The following LRCH1 variants were observed in gnomAD, a reference collection of about 807,000 sequenced individuals.
The protein encoded by LRCH1 is leucine-rich repeat and calponin homology domain-containing protein 1.
LRCH1 carries 23 observed loss-of-function variants against 94.9 expected under a neutral mutation model. The ratio of observed to expected loss-of-function variants is 0.24; its 90% CI spans 0.17 to 0.34. LRCH1 has a LOEUF of 0.34. Among genes scored for constraint, LRCH1 ranks in the 10% least tolerant of loss-of-function variants. LRCH1 has a pLI of 1.00. For missense variants in LRCH1, 790 were observed against 945.9 expected (o/e 0.84, Z 2.16); for synonymous variants, 364 against 354.9 (o/e 1.03, Z -0.29).
At chr13:46,724,921 A>G (rs1282925370) in intron 17 of LRCH1, among the ~76,000 whole-genome samples, 7 of 152,248 alleles carry the variant, frequency 4.6e-5, no homozygotes. Flanking sequence ...CTATCACAGC[A>G]CTATTCACAG....
intron 1 of LRCH1, among the ~76,000 whole-genome samples, chr13:46,643,790 A>G (rs1180753463): frequency 6.6e-6 from 1 of 152,208 alleles, no homozygotes; most frequent in Non-Finnish European, 1.5e-5. Flanking sequence ...AAACCTATTA[A>G]TCAAAATAGA....
At chr13:46,561,478 C>T (rs553554836) in intron 1 of LRCH1, among the ~76,000 whole-genome samples, 1 of 152,324 alleles carries the variant, frequency 6.6e-6, no homozygotes, top group African/African-American at 2.4e-5. Context: ...CTTCTGGCTT[C>T]TCATGTGGAC....
intron 1 of LRCH1, among the ~76,000 whole-genome samples, chr13:46,614,494 C>T (rs75796749): frequency 0.015 from 2,230 of 152,184 alleles, 37 homozygotes; most frequent in African/African-American, 0.041. Context: ...CATAAAAGAT[C>T]AAAAAACCCA....
rs71077916 is a variant in LRCH1, at chr13:46,686,952, A to ATTTTTTT, written c.823-882_823-876dup. On this transcript the variant is annotated intron_variant, in intron 5 of 19. Transcript: ENST00000389797. Reference sequence around the variant, plus strand: ...TGAATTTGTTTCATGGAGTATATTGATTTTTTTTTTTTTTTTTTTTTTTTG... The same window carrying ATTTTTTT: ...TGAATTTGTTTCATGGAGTATATTGATTTTTTTTTTTTTTTTTTTTTTTTTTTTTTTG... Among the ~76,000 whole-genome samples the ATTTTTTT allele has an allele frequency of 2.7e-3, 231 of 85,426 alleles. 1 individual carries two copies. Among genetic ancestry groups the ATTTTTTT allele is most frequent in the Admixed American group, 3.2e-3 (19 of 5,954 alleles). 56.0% of individuals were successfully genotyped at this position (85,426 alleles called of 152,430 possible).
intron 7 of LRCH1, among the ~76,000 whole-genome samples, chr13:46,691,995 T>G (rs1369317847): frequency 6.6e-6 from 1 of 152,150 alleles, no homozygotes; most frequent in Non-Finnish European, 1.5e-5. Context: ...GCTGATGCCA[T>G]GTACTTTCAA....
At chr13:46,616,447 C>T (rs1239945033) in intron 1 of LRCH1, among the ~76,000 whole-genome samples, 1 of 152,196 alleles carries the variant, frequency 6.6e-6, no homozygotes, top group Non-Finnish European at 1.5e-5. Context: ...ATAAGCCTGA[C>T]AGCACGGTGA....
intron 1 of LRCH1, among the ~76,000 whole-genome samples, chr13:46,641,589 A>G (rs982360871): frequency 1.3e-5 from 2 of 152,118 alleles, no homozygotes; most frequent in African/African-American, 2.4e-5. Flanking sequence ...GACTTTCAAG[A>G]TGAGATCTTC....
chr13:46,750,797 GAGGATTTTCTAC>G, exon 19 of LRCH1: 1 of 580,794 alleles, frequency 1.7e-6, no homozygotes, highest in South Asian at 2.4e-5. Flanking sequence ...CAGTCTAAGG[GAGGATTTTCTAC>G]CTTTCAGAGC....
chr13:46,634,460 G>A (rs948669151), intron 1 of LRCH1, among the ~76,000 whole-genome samples: 3 of 152,176 alleles, frequency 2.0e-5, no homozygotes, highest in Non-Finnish European at 2.9e-5. Flanking sequence ...TGCCTCAGCC[G>A]TAATGCCAGT....
At chr13:46,558,014 G>C (rs990411815) in intron 1 of LRCH1, among the ~76,000 whole-genome samples, 1 of 152,104 alleles carries the variant, frequency 6.6e-6, no homozygotes, top group Admixed American at 6.5e-5. Context: ...TCCAGCCTAC[G>C]TGACAGAGTG....
intron 1 of LRCH1, among the ~76,000 whole-genome samples, chr13:46,590,973 CTT>C (rs1003887631): frequency 6.8e-6 from 1 of 147,868 alleles, no homozygotes. Flanking sequence ...TTGCTTATGG[CTT>C]TTTTTTTTCC....
At chr13:46,622,317 G>A (rs528572939) in intron 1 of LRCH1, among the ~76,000 whole-genome samples, 18 of 152,034 alleles carry the variant, frequency 1.2e-4, no homozygotes, top group Non-Finnish European at 1.8e-4. Context: ...CCCTGCAAAG[G>A]AAATAAGACA....
At chr13:46,618,561 A>G (rs1365184527) in intron 1 of LRCH1, among the ~76,000 whole-genome samples, 1 of 152,218 alleles carries the variant, frequency 6.6e-6, no homozygotes, top group Non-Finnish European at 1.5e-5. Context: ...AAAACTTATA[A>G]ATACAGAACC....
In LRCH1 at chr13:46,723,319, C is replaced by G; in HGVS notation, c.1858C>G (p.Gln620Glu). The G allele has an allele frequency of 6.2e-7, 1 of 1,607,016 alleles. No individual in the cohort carries two copies. Among genetic ancestry groups the G allele is most frequent in the Admixed American group, 1.7e-5 (1 of 59,920 alleles). Residue 620 changes from glutamine (Q) to glutamate (E), a missense_variant, in exon 17 of 20, where the codon CAA becomes GAA. By Grantham distance (29) the Gln-to-Glu change is conservative. Transcript: ENST00000389797. ...QMREEKELVE[Q>E]LRESIEMRLK... ...GAGAGAAGAGAAAGAGCTGGTGGAA[C>G]AACTTCGTGAGGTACCCAAGAAATA... is the stretch of plus-strand genomic sequence containing the variant.
At chr13:46,596,908 C>T (rs930707469) in intron 1 of LRCH1, among the ~76,000 whole-genome samples, 1 of 152,182 alleles carries the variant, frequency 6.6e-6, no homozygotes, top group Non-Finnish European at 1.5e-5. Flanking sequence ...GTATGTAGCT[C>T]AGAGCCCTTG....
intron 2 of LRCH1, among the ~76,000 whole-genome samples, chr13:46,663,701 G>A (rs1228046634): frequency 6.6e-6 from 1 of 152,172 alleles, no homozygotes; most frequent in East Asian, 1.9e-4. Flanking sequence ...GCTGTTTACT[G>A]TAGGTCGAGT....
At chr13:46,601,160 G>A (rs951462801) in intron 1 of LRCH1, among the ~76,000 whole-genome samples, 3 of 152,202 alleles carry the variant, frequency 2.0e-5, no homozygotes, top group Admixed American at 6.5e-5. Context: ...TGCTTTGAGG[G>A]CAGGGCCGGT....
chr13:46,699,336 G>A lies in LRCH1; in HGVS notation c.1246G>A (p.Ala416Thr). 2 of 1,613,726 alleles carry A rather than the reference G, an allele frequency of 1.2e-6. No individual in the cohort carries two copies. Among genetic ancestry groups the A allele is most frequent in the Non-Finnish European group, 1.7e-6 (2 of 1,179,656 alleles). Residue 416 changes from alanine (A) to threonine (T), a missense_variant and splice_region_variant, in exon 10 of 20, where the codon GCA (alanine) becomes ACA (threonine). By Grantham distance (58) the Ala-to-Thr change is moderately conservative. Around this residue, in one of 3 missense-constraint regions of LRCH1, gnomAD observed 460 missense variants for 508.9 expected, o/e 0.90. Transcript: ENST00000389797. The part of the protein sequence containing the change: ...GLHSEFMNYK[A>T]RAEDCEELLR... Reference sequence around the variant, plus strand: ...GGAACCCTGTGTGTTTTGTCCACAGGCAAGGGCAGAAGACTGTGAAGAGCT... The same window carrying A: ...GGAACCCTGTGTGTTTTGTCCACAGACAAGGGCAGAAGACTGTGAAGAGCT...
chr13:46,677,255 C>CAAAAAAAAAAAAAAAAA (rs67827727), intron 3 of LRCH1, among the ~76,000 whole-genome samples: 1 of 98,076 alleles, frequency 1.0e-5, no homozygotes. Flanking sequence ...ACTAAAAATA[C>CAAAAAAAAAAAAAAAAA]AAAAAAAAAA....
Sources: gnomAD v4.1 joint callset for allele counts (sites outside exome capture counted in the v4.1 genomes callset) on GRCh38, gnomAD v4.1.1 for gene constraint, gnomAD v4.1.1 regional missense constraint, MANE v1.5 for transcripts, NCBI Gene and HGNC (gene_info 2026-07-23, HGNC 2026-07-21) for gene names.